The following TNC variants were observed in gnomAD, a reference collection of about 807,000 sequenced individuals.
TNC encodes tenascin C.
Under a neutral mutation model 202.4 loss-of-function variants are expected in TNC, and 109 were observed. The ratio of observed to expected loss-of-function variants is 0.54; its 90% CI spans 0.46 to 0.63. The LOEUF (loss-of-function observed/expected upper bound fraction) is 0.63, where lower values mean the gene tolerates loss of function less well. TNC is among the 30% of genes least tolerant of loss of function. TNC has a pLI of 0.00. For synonymous variants in TNC, 1,007 were observed against 1,089.7 expected (o/e 0.92, Z 1.50); for missense variants, 2,756 against 2,833.3 (o/e 0.97, Z 0.62).
Position 115,085,968 on chromosome 9 carries a change from T to C in TNC, c.1763A>G (p.Asp588Gly). 6.2e-7 allele frequency: 1 copy of C among 1,613,988 alleles called. No homozygotes were observed. Among genetic ancestry groups the C allele is most frequent in the African/African-American group, 1.3e-5 (1 of 75,060 alleles). Residue 588 changes from aspartate to glycine, a missense_variant, in exon 3 of 28, where the codon GAC (aspartate) becomes GGC (glycine). By Grantham distance (94) the Asp-to-Gly change is moderately conservative. Transcript: ENST00000350763. ...CICHEGFTGL[D>G]CGQHSCPSDC... ...ACTGGGGCAGGAGTGCTGGCCACAG[T>C]CCAGGCCTGTGAAGCCCTCGTGGCA...
Position 115,090,895 on chromosome 9 carries a change from G to T in TNC, c.124C>A (p.Pro42Thr). 6.2e-7 allele frequency: 1 copy of T among 1,614,120 alleles called. No individual in the cohort carries two copies. Among genetic ancestry groups the T allele is most frequent in the Non-Finnish European group, 8.5e-7 (1 of 1,180,026 alleles). The change falls in exon 2 of 28, where the codon CCA (proline) becomes ACA (threonine). Residue 42 changes from proline to threonine, a missense_variant. Physicochemically the swap from Pro to Thr is conservative, Grantham distance 38. Coordinates refer to ENST00000350763, the MANE Select transcript of TNC (RefSeq NM_002160.4). ...AACACCACTGGCTGGTTCTCTTCTG[G>T]CAGGGTGGCGTTCACCCCACTCTGT... ...KRQSGVNATL[P>T]EENQPVVFNH...
At position 115,090,647 on chromosome 9, in the gene TNC, G is replaced by T. The variant is rs1233296362; in HGVS notation, c.372C>A (p.Ser124Arg). ...AAAPDVKELL[S>R]RLEELENLVS... is the part of the protein sequence containing the mutation. ...CCAGGTTCTCCAGCTCCTCCAGTCTGCTCAGCAGCTCCTTAACATCAGGGG... is the reference window on the plus strand; with the variant it reads ...CCAGGTTCTCCAGCTCCTCCAGTCTTCTCAGCAGCTCCTTAACATCAGGGG... Residue 124 changes from serine to arginine, a missense_variant, in exon 2 of 28, where the codon AGC (serine) becomes AGA (arginine). Physicochemically the swap from Ser to Arg is moderately radical, Grantham distance 110 (BLOSUM62 -1). Coordinates refer to ENST00000350763, the MANE Select transcript of TNC (RefSeq NM_002160.4). 6.2e-7 allele frequency: 1 copy of T among 1,613,532 alleles called. No individual in the cohort carries two copies. The highest frequency in any genetic ancestry group is 8.5e-7 in the Non-Finnish European group (1 of 1,179,662).
intron 26 of TNC, 126 bp from the exon 27 acceptor site, chr9:115,024,262 C>G: frequency 1.1e-6 from 1 of 928,582 alleles, no homozygotes; most frequent in Non-Finnish European, 1.6e-6. Context: ...GAACATTGAT[C>G]CCAGAGTCAG....
Position 115,062,916 on chromosome 9 carries a change from C to T in TNC, c.4033+1G>A, listed in dbSNP as rs1564456511. The T allele has an allele frequency of 2.5e-6, 4 of 1,611,996 alleles. No individual in the cohort carries two copies. Among genetic ancestry groups the T allele is most frequent in the Non-Finnish European group, 2.5e-6 (3 of 1,178,668 alleles). ...TCCAGTCTGGGAGGAGGGTCATATA[C>T]CTGTGACGACCTCTACAGCAAGGGG... On this transcript the variant is annotated splice_donor_variant, in intron 13 of 27. Transcript: ENST00000350763. LOFTEE classifies it high-confidence loss of function.
At chr9:115,049,729 G>T (rs1330896130) in intron 15 of TNC, among the ~76,000 whole-genome samples, 5 of 150,418 alleles carry the variant, frequency 3.3e-5, no homozygotes, top group Non-Finnish European at 7.4e-5. Flanking sequence ...CAAATTAGCT[G>T]CATCTAGTTT....
chr9:115,108,437 T>G (rs1836780470), intron 1 of TNC, among the ~76,000 whole-genome samples: 1 of 152,196 alleles, frequency 6.6e-6, no homozygotes, highest in Non-Finnish European at 1.5e-5. Context: ...AAATTCAAAC[T>G]CCTAGCCATT....
intron 19 of TNC, among the ~76,000 whole-genome samples, chr9:115,040,418 T>C (rs16932087): frequency 0.018 from 2,679 of 152,286 alleles, 92 homozygotes; most frequent in African/African-American, 0.06. Flanking sequence ...GTGAAACACC[T>C]GCTTTGAGGG....
intron 19 of TNC, 78 bp downstream of exon 19, chr9:115,040,863 T>C: frequency 6.7e-7 from 1 of 1,498,206 alleles, no homozygotes; most frequent in Non-Finnish European, 8.9e-7. Context: ...AGGCTGAAGG[T>C]GAGAAATGGC....
At chr9:115,065,685 T>A (rs1832895229) in intron 10 of TNC, among the ~76,000 whole-genome samples, 1 of 152,012 alleles carries the variant, frequency 6.6e-6, no homozygotes, top group Non-Finnish European at 1.5e-5. Flanking sequence ...GCAGATCATA[T>A]GAGGTCAGCA....
At chr9:115,026,762 T>A (rs946196306) in intron 25 of TNC, 67 bp from the exon 26 acceptor site, 8 of 1,545,586 alleles carry the variant, frequency 5.2e-6, no homozygotes, top group Non-Finnish European at 7.0e-6. Flanking sequence ...TATTTCACTC[T>A]GTAAAAGCGG....
chr9:115,056,299 T>A (rs1329720389), intron 15 of TNC, among the ~76,000 whole-genome samples: 1 of 152,170 alleles, frequency 6.6e-6, no homozygotes, highest in Admixed American at 6.5e-5. Flanking sequence ...CATTTACCTC[T>A]CCAGAGAAGG....
rs774494972 is a variant in TNC, at chr9:115,031,533, G to A, written c.5920+20C>T. The A allele has an allele frequency of 1.6e-5, 25 of 1,520,410 alleles. No homozygotes were observed. Among genetic ancestry groups the A allele is most frequent in the Non-Finnish European group, 2.1e-5 (24 of 1,134,320 alleles). The allele number at this position is 1,520,410 out of a possible 1,614,324, so 94.2% of individuals were successfully genotyped here. On this transcript the variant is annotated intron_variant, in intron 23 of 27. Transcript: ENST00000350763. ...TCAAAGTTAGATCTCAAGGCTGGAT[G>A]GCACCCTGGGCCTCCTTACTTGTGG...
chr9:115,032,220 T>G (rs891609652), intron 22 of TNC, among the ~76,000 whole-genome samples: 1 of 152,164 alleles, frequency 6.6e-6, no homozygotes, highest in Non-Finnish European at 1.5e-5. Flanking sequence ...ATAAGCGACC[T>G]CAACCATACT....
chr9:115,080,587 G>T (rs1352473580), intron 6 of TNC, among the ~76,000 whole-genome samples: 1 of 152,092 alleles, frequency 6.6e-6, no homozygotes, highest in South Asian at 2.1e-4. Context: ...TTTCCTATAT[G>T]GAAGTGCAAA....
intron 19 of TNC, among the ~76,000 whole-genome samples, chr9:115,039,964 T>G (rs1350764415): frequency 6.6e-6 from 1 of 152,252 alleles, no homozygotes; most frequent in African/African-American, 2.4e-5. Context: ...TATGAGGATA[T>G]TTTTAAAATT....
At chr9:115,026,461 T>A (rs964772717) in intron 26 of TNC, 73 bp downstream of exon 26, 2 of 1,492,612 alleles carry the variant, frequency 1.3e-6, no homozygotes, top group Non-Finnish European at 1.8e-6. Context: ...GGAATGAAAG[T>A]TAGAGAAATA....
In TNC at chr9:115,087,698, C is replaced by CTTT. The variant is rs752435283; in HGVS notation, c.458-428_458-426dup. Among the ~76,000 whole-genome samples, 113 of 119,712 alleles carry CTTT rather than the reference C, an allele frequency of 9.4e-4. 2 individuals carry two copies. Among genetic ancestry groups the CTTT allele is most frequent in the Non-Finnish European group, 1.4e-3 (82 of 57,944 alleles). The allele number at this position is 119,712 out of a possible 152,430, so 78.5% of individuals were successfully genotyped here. On this transcript the variant is annotated intron_variant, in intron 2 of 27. Transcript: ENST00000350763. ...GGCTATGTTACTATTTCTTTCTTTT[C>CTTT]TTTTTTTTTTTTTTTTTTTTTGAGA...
chr9:115,079,484 C>T (rs375711380), intron 6 of TNC, among the ~76,000 whole-genome samples: 5 of 152,242 alleles, frequency 3.3e-5, no homozygotes, highest in Admixed American at 1.3e-4. Flanking sequence ...CTAGCAAGCA[C>T]CCAAACCGTA....
At chr9:115,038,824 G>C (rs941948670) in intron 19 of TNC, among the ~76,000 whole-genome samples, 1 of 150,980 alleles carries the variant, frequency 6.6e-6, no homozygotes, top group African/African-American at 2.4e-5. Flanking sequence ...TCTTTTCTTT[G>C]CTTTTTTCTT....
Sources: gnomAD v4.1 joint callset for allele counts (sites outside exome capture counted in the v4.1 genomes callset) on GRCh38, gnomAD v4.1.1 for gene constraint, MANE v1.5 for transcripts, NCBI Gene and HGNC (gene_info 2026-07-23, HGNC 2026-07-21) for gene names.